FHIP2B: variants seen among roughly 807,000 people sequenced by gnomAD.
FHIP2B encodes FHF complex subunit HOOK-interacting protein 2B.
FHIP2B carries 72 observed loss-of-function variants against 84.0 expected under a neutral mutation model. The ratio of observed to expected loss-of-function variants is 0.86; its 90% CI spans 0.71 to 1.04. FHIP2B has a LOEUF of 1.04. Among genes scored for constraint, FHIP2B ranks in the 50% least tolerant of loss-of-function variants. The pLI is 0.00. For synonymous variants in FHIP2B, 497 were observed against 418.7 expected (o/e 1.19, Z -2.28); for missense variants, 972 against 968.9 (o/e 1.00, Z -0.04).
rs550733540 is a variant in FHIP2B, at chr8:22,089,618, C to A, written c.45+320C>A. On this transcript the variant is annotated intron_variant, in intron 1 of 16. Coordinates refer to ENST00000289921, the MANE Select transcript of FHIP2B (RefSeq NM_022749.7). Reference sequence around the variant, plus strand: ...CCTCCGCCGGGACGCTCCCTGTCACCGCTTGGGGTGTTTCCTGCCCCCCGG... The same window carrying A: ...CCTCCGCCGGGACGCTCCCTGTCACAGCTTGGGGTGTTTCCTGCCCCCCGG... The A allele has an allele frequency of 6.5e-3, 2,655 of 411,408 alleles. 18 individuals are homozygous for A. Among genetic ancestry groups the A allele is most frequent in the Non-Finnish European group, 9.2e-3 (2,141 of 233,000 alleles). 25.5% of individuals were successfully genotyped at this position (411,408 alleles called of 1,614,324 possible).
In FHIP2B at chr8:22,100,582, T is replaced by C. The variant is rs768415810; in HGVS notation, c.1342-12T>C. The C allele has an allele frequency of 7.7e-5, 117 of 1,528,516 alleles. 1 individual carries two copies. Among genetic ancestry groups the C allele is most frequent in the Non-Finnish European group, 5.9e-5 (67 of 1,137,888 alleles). The allele number at this position is 1,528,516 out of a possible 1,614,324, so 94.7% of individuals were successfully genotyped here. ...GGAAGGGGCTATCCTGCCGACCCCC[T>C]TCCTGCTCCAGATCAGCATCACCAC... On this transcript the variant is annotated splice_polypyrimidine_tract_variant and intron_variant, in intron 10 of 16. Coordinates refer to ENST00000289921, the MANE Select transcript of FHIP2B (RefSeq NM_022749.7).
chr8:22,097,937 C>T (rs532690794), intron 5 of FHIP2B, 98 bp downstream of exon 5: 51 of 1,556,520 alleles, frequency 3.3e-5, no homozygotes, highest in East Asian at 1.4e-4. Flanking sequence ...ATCAGGTACC[C>T]GGGAGGCACG....
intron 1 of FHIP2B, among the ~76,000 whole-genome samples, chr8:22,092,359 C>T (rs1344315681): frequency 6.6e-6 from 1 of 152,146 alleles, no homozygotes; most frequent in East Asian, 1.9e-4. Flanking sequence ...GTGGGCGGAC[C>T]ACTTGAGGTC....
chr8:22,090,231 TAAATCTTCCCCC>T (rs1825413085), intron 1 of FHIP2B, among the ~76,000 whole-genome samples: 1 of 152,016 alleles, frequency 6.6e-6, no homozygotes, highest in Non-Finnish European at 1.5e-5. Context: ...CCTCCTAGTA[TAAATCTTCCCCC>T]AATTGATGAG....
intron 1 of FHIP2B, among the ~76,000 whole-genome samples, chr8:22,094,065 C>T (rs770195661): frequency 1.2e-4 from 18 of 152,132 alleles, no homozygotes; most frequent in Non-Finnish European, 2.4e-4. Flanking sequence ...TGGGGGACTG[C>T]GCTCCCGTGT....
intron 1 of FHIP2B, among the ~76,000 whole-genome samples, chr8:22,090,414 C>A (rs1393735649): frequency 6.6e-6 from 1 of 152,190 alleles, no homozygotes; most frequent in Admixed American, 6.5e-5. Flanking sequence ...ACCTTCCCAG[C>A]CCTGCTGTTG....
intron 9 of FHIP2B, 65 bp downstream of exon 9, chr8:22,099,425 C>T (rs1020719814): frequency 8.5e-6 from 13 of 1,525,896 alleles, no homozygotes; most frequent in Admixed American, 5.8e-5. Flanking sequence ...CACCCAGCCT[C>T]GTCCTGTCCC....
At position 22,101,406 on chromosome 8, in the gene FHIP2B, C is replaced by T. The variant is rs777663052; in HGVS notation, c.1617-34C>T. On this transcript the variant is annotated intron_variant, in intron 12 of 16. Transcript: ENST00000289921. ...ACAAGCAGGGGAGAGCAGGGTGAGC[C>T]GGGAGCGCCTCCACACCGGCTTCTA... 4.1e-5 allele frequency: 63 copies of T among 1,539,038 alleles called. No individual in the cohort carries two copies. In the East Asian group the frequency reaches 4.2e-4, roughly 10 times the overall value.
intron 1 of FHIP2B, among the ~76,000 whole-genome samples, chr8:22,090,379 A>C (rs1484787430): frequency 6.6e-6 from 1 of 152,186 alleles, no homozygotes; most frequent in African/African-American, 2.4e-5. Context: ...AGTTGGGAAG[A>C]AAGTCAGAAA....
intron 3 of FHIP2B, chr8:22,096,812 C>T (rs772296571): frequency 7.4e-6 from 2 of 271,740 alleles, no homozygotes; most frequent in Non-Finnish European, 1.4e-5. Flanking sequence ...GCTCCTGTTC[C>T]CAGTTCACTC....
intron 7 of FHIP2B, 108 bp downstream of exon 7, chr8:22,098,727 T>C (rs1416565684): frequency 2.5e-6 from 3 of 1,201,108 alleles, no homozygotes; most frequent in Non-Finnish European, 3.4e-6. Flanking sequence ...GGACCCCTGC[T>C]GGCCACCCTC....
At chr8:22,094,863 C>T (rs1481250535) in intron 2 of FHIP2B, 8 of 1,141,082 alleles carry the variant, frequency 7.0e-6, no homozygotes, top group Non-Finnish European at 8.6e-6. Flanking sequence ...GGTGCTTGTG[C>T]CTAGGATTTA....
At chr8:22,099,995 T>G (rs1826016289) in intron 10 of FHIP2B, 102 bp downstream of exon 10, 4 of 1,221,002 alleles carry the variant, frequency 3.3e-6, no homozygotes, top group Non-Finnish European at 4.4e-6. Flanking sequence ...TGACTCCACC[T>G]TTGAGACACT....
At chr8:22,092,539 A>C (rs1037106170) in intron 1 of FHIP2B, among the ~76,000 whole-genome samples, 8 of 140,874 alleles carry the variant, frequency 5.7e-5, no homozygotes, top group African/African-American at 1.6e-4. Context: ...GTGCCACTGC[A>C]CTCTAGCCTC....
chr8:22,098,267 A>T lies in FHIP2B; in HGVS notation c.725A>T (p.Glu242Val), dbSNP rs369587302. 3 of 1,580,620 alleles carry T rather than the reference A, an allele frequency of 1.9e-6. No individual in the cohort carries two copies. The African/African-American group carries it at 4.2e-5, about 22-fold the overall frequency. ...GAGGAGCTGGACGGTGGGACCACAGAGAGCAACCTGATTACCTCCCTGCTT... is the reference window on the plus strand; with the variant it reads ...GAGGAGCTGGACGGTGGGACCACAGTGAGCAACCTGATTACCTCCCTGCTT... ...ETEELDGGTT[E>V]SNLITSLLGL... Residue 242 changes from glutamate (E) to valine (V), a missense_variant, in exon 6 of 17, where the codon GAG (glutamate) becomes GTG (valine). Physicochemically the swap from Glu to Val is moderately radical, Grantham distance 121. Transcript: ENST00000289921.
rs569725494 is a variant in FHIP2B at position 22,102,677 on chromosome 8, G to A, written c.2093+49G>A. ...AAGCCTTGGGGTGGGAGAGTGGAAA[G>A]CGCCTCTGGAGGAGAGGTGGCTGGC... On this transcript the variant is annotated intron_variant, in intron 16 of 16. Coordinates refer to ENST00000289921, the MANE Select transcript of FHIP2B (RefSeq NM_022749.7). The A allele has an allele frequency of 5.7e-6, 9 of 1,571,240 alleles. No individual in the cohort carries two copies. In the South Asian group the frequency reaches 1.0e-4, roughly 18 times the overall value.
chr8:22,096,361 C>G lies in FHIP2B; in HGVS notation c.149C>G (p.Thr50Arg). Residue 50 changes from threonine to arginine, a missense_variant, in exon 3 of 17, where the codon ACA becomes AGA. Coordinates refer to ENST00000289921, the MANE Select transcript of FHIP2B (RefSeq NM_022749.7). Reference protein sequence around the residue: ...STDESTPAKKTDIPWRLKQML... With the variant: ...STDESTPAKKRDIPWRLKQML... ...GATGAAAGCACCCCCGCCAAGAAGA[C>G]AGACATTCCCTGGCGGCTGAAGCAG... The G allele has an allele frequency of 6.4e-7, 1 of 1,560,832 alleles. No individual in the cohort carries two copies. Among genetic ancestry groups the G allele is most frequent in the Non-Finnish European group, 8.7e-7 (1 of 1,152,510 alleles).
chr8:22,095,949 G>C (rs369266440), intron 2 of FHIP2B: 89 of 161,352 alleles, frequency 5.5e-4, no homozygotes, highest in African/African-American at 2.1e-3. Context: ...TGGAATTACA[G>C]CTTCTAAGTT....
At position 22,101,007 on chromosome 8, in the gene FHIP2B, G is replaced by GTTTTA. The variant is rs748072733; in HGVS notation, c.1616+55_1616+59dup. 36 of 1,592,496 alleles carry GTTTTA rather than the reference G, an allele frequency of 2.3e-5. 1 individual carries two copies. The highest frequency in any genetic ancestry group is 4.5e-5 in the South Asian group (4 of 88,964). On this transcript the variant is annotated intron_variant, in intron 12 of 16. Coordinates refer to ENST00000289921, the MANE Select transcript of FHIP2B (RefSeq NM_022749.7). ...AAGTTAGGCAGTCTGAACCACTTGAGTTTTATTTTATTTTATTTTATTTTT... is the reference window on the plus strand; with the variant it reads ...AAGTTAGGCAGTCTGAACCACTTGAGTTTTATTTTATTTTATTTTATTTTATTTTT...
Sources: gnomAD v4.1 joint callset for allele counts (sites outside exome capture counted in the v4.1 genomes callset) on GRCh38, gnomAD v4.1.1 for gene constraint, MANE v1.5 for transcripts, NCBI Gene and HGNC (gene_info 2026-07-23, HGNC 2026-07-21) for gene names.